The following SYK variants were observed in gnomAD, a reference collection of about 807,000 sequenced individuals.
SYK encodes the protein tyrosine-protein kinase SYK.
A neutral mutation model predicts 77.8 loss-of-function variants in SYK; 16 were observed. The ratio of observed to expected loss-of-function variants is 0.21; its 90% CI spans 0.14 to 0.31. The LOEUF (loss-of-function observed/expected upper bound fraction) is 0.31. Ranked by LOEUF, SYK falls within the 10% of genes least tolerant of loss-of-function variation. The pLI, the probability that SYK is intolerant of heterozygous loss-of-function variation, is 1.00. For synonymous variants in SYK, 312 were observed against 308.7 expected (o/e 1.01, Z -0.11); for missense variants, 529 against 814.4 (o/e 0.65, Z 4.26).
chr9:90,828,176 G>A (rs1324700596), intron 1 of SYK, among the ~76,000 whole-genome samples: 1 of 147,098 alleles, frequency 6.8e-6, no homozygotes, highest in Non-Finnish European at 1.5e-5. Flanking sequence ...CTAAGGCACA[G>A]ACAAGAGATG....
Position 90,867,218 on chromosome 9 carries a change from C to T in SYK, c.915+19C>T, listed in dbSNP as rs1192880020. On this transcript the variant is annotated intron_variant, in intron 7 of 13. Coordinates refer to ENST00000375754, the MANE Select transcript of SYK (RefSeq NM_003177.7). Reference sequence around the variant, plus strand: ...CAGAAAGGTGCTAAAGCAACCCCTGCTTGCTGTCCAACTAAGTGGTAGGAC... The same window carrying T: ...CAGAAAGGTGCTAAAGCAACCCCTGTTTGCTGTCCAACTAAGTGGTAGGAC... 1 of 1,613,876 alleles carries T rather than the reference C, an allele frequency of 6.2e-7. No individual in the cohort carries two copies. Among genetic ancestry groups the T allele is most frequent in the East Asian group, 2.2e-5 (1 of 44,872 alleles).
intron 13 of SYK, among the ~76,000 whole-genome samples, chr9:90,889,139 A>G (rs1828691692): frequency 6.6e-6 from 1 of 152,250 alleles, no homozygotes; most frequent in Non-Finnish European, 1.5e-5. Context: ...GACTGCCGTC[A>G]TACGTCTCGC....
At chr9:90,879,940 A>T (rs1029224832) in intron 11 of SYK, among the ~76,000 whole-genome samples, 2 of 152,264 alleles carry the variant, frequency 1.3e-5, no homozygotes, top group African/African-American at 4.8e-5. Flanking sequence ...CTCTATCTTC[A>T]TATTAACTCA....
At chr9:90,808,321 T>A (rs1824924644) in intron 1 of SYK, among the ~76,000 whole-genome samples, 1 of 152,102 alleles carries the variant, frequency 6.6e-6, no homozygotes, top group East Asian at 1.9e-4. Context: ...ATGTATTAGT[T>A]TTCTGTGTAT....
chr9:90,876,760 A>G (rs1827952729), intron 9 of SYK, among the ~76,000 whole-genome samples: 2 of 152,154 alleles, frequency 1.3e-5, no homozygotes, highest in African/African-American at 4.8e-5. Context: ...CCATCTCTCC[A>G]TTTACCAGGT....
At chr9:90,844,670 T>A (rs1479535199) in intron 2 of SYK, among the ~76,000 whole-genome samples, 1 of 152,230 alleles carries the variant, frequency 6.6e-6, no homozygotes, top group Non-Finnish European at 1.5e-5. Context: ...CACTTGATTT[T>A]ATGGCTTCCT....
chr9:90,889,340 G>C (rs2118981929), intron 13 of SYK, among the ~76,000 whole-genome samples: 1 of 152,224 alleles, frequency 6.6e-6, no homozygotes, highest in East Asian at 1.9e-4. Flanking sequence ...CAGTTCCCTG[G>C]TACTGAACTG....
chr9:90,856,854 G>T (rs1205904645), intron 3 of SYK, among the ~76,000 whole-genome samples: 3 of 152,064 alleles, frequency 2.0e-5, no homozygotes, highest in African/African-American at 7.3e-5. Context: ...ATATTAATCT[G>T]TGGGAATCCT....
At chr9:90,839,873 G>A (rs1009645112) in intron 1 of SYK, among the ~76,000 whole-genome samples, 5 of 152,134 alleles carry the variant, frequency 3.3e-5, no homozygotes, top group East Asian at 3.9e-4. Flanking sequence ...GAAAGCACAC[G>A]TGGTGAGAAC....
At chr9:90,868,826 G>A (rs957022277) in intron 7 of SYK, among the ~76,000 whole-genome samples, 1 of 152,150 alleles carries the variant, frequency 6.6e-6, no homozygotes, top group Non-Finnish European at 1.5e-5. Context: ...TCTTGCATTT[G>A]TGTGAAATCA....
At chr9:90,839,969 C>T (rs1447560211) in intron 1 of SYK, among the ~76,000 whole-genome samples, 5 of 152,004 alleles carry the variant, frequency 3.3e-5, no homozygotes, top group African/African-American at 7.3e-5. Flanking sequence ...GGCTGATGTG[C>T]GCTTTGAGGG....
At chr9:90,833,091 G>A (rs1034293909) in intron 1 of SYK, among the ~76,000 whole-genome samples, 1 of 152,202 alleles carries the variant, frequency 6.6e-6, no homozygotes, top group Non-Finnish European at 1.5e-5. Context: ...TCCCCAGAGT[G>A]AGCAATCCAA....
At chr9:90,845,045 A>C (rs34819458) in intron 2 of SYK, among the ~76,000 whole-genome samples, 45,769 of 151,952 alleles carry the variant, frequency 0.3, 7,073 homozygotes, top group South Asian at 0.39. Flanking sequence ...AAGCGATTCT[A>C]CTGCCTCAGC....
intron 6 of SYK, 115 bp downstream of exon 6, chr9:90,865,212 CAT>C (rs1339798497): frequency 2.9e-6 from 3 of 1,044,924 alleles, no homozygotes; most frequent in Admixed American, 1.8e-5. Context: ...CGCTTCAAAA[CAT>C]ACTCCGTGAT....
intron 6 of SYK, among the ~76,000 whole-genome samples, chr9:90,865,709 T>A (rs533575906): frequency 6.6e-6 from 1 of 152,300 alleles, no homozygotes; most frequent in African/African-American, 2.4e-5. Context: ...GAAGTAGGCC[T>A]CTTGCAATAT....
chr9:90,809,415 T>G (rs1824987899), intron 1 of SYK, among the ~76,000 whole-genome samples: 1 of 152,178 alleles, frequency 6.6e-6, no homozygotes, highest in Non-Finnish European at 1.5e-5. Context: ...ACTACTCTAA[T>G]AAGGCGTAAA....
intron 1 of SYK, among the ~76,000 whole-genome samples, chr9:90,819,638 C>T (rs993616078): frequency 6.6e-6 from 1 of 152,108 alleles, no homozygotes; most frequent in Non-Finnish European, 1.5e-5. Flanking sequence ...CAATTACCCC[C>T]CTTCCTTGGG....
At chr9:90,817,870 TGTGTGTGTGTGTGAGAGA>T (rs1363754935) in intron 1 of SYK, among the ~76,000 whole-genome samples, 110 of 31,084 alleles carry the variant, frequency 3.5e-3, no homozygotes, top group African/African-American at 0.011. Context: ...TGTGTGTGTG[TGTGTGTGTGTGTGAGAGA>T]GAGAGAGAGA....
intron 7 of SYK, 112 bp downstream of exon 7, chr9:90,867,311 T>C (rs1350951102): frequency 5.4e-6 from 6 of 1,118,054 alleles, no homozygotes; most frequent in Non-Finnish European, 8.1e-6. Context: ...CTCTTGCCAC[T>C]CTGCTTCCAG....
Sources: allele counts gnomAD v4.1 joint callset (sites outside exome capture counted in the v4.1 genomes callset), GRCh38; gene constraint gnomAD v4.1.1; transcripts MANE v1.5; gene names NCBI Gene and HGNC (gene_info 2026-07-23, HGNC 2026-07-21).